XKR6: variants seen among roughly 807,000 people sequenced by gnomAD.
The protein encoded by XKR6 is XK related 6.
Under a neutral mutation model 56.7 loss-of-function variants are expected in XKR6, and 22 were observed. The observed-to-expected ratio is 0.39, with a 90% CI of 0.28 to 0.55. The LOEUF (loss-of-function observed/expected upper bound fraction) is 0.55, where lower values mean the gene tolerates loss of function less well. XKR6 is among the 20% of genes least tolerant of loss of function. The pLI, the probability that XKR6 is intolerant of heterozygous loss-of-function variation, is 0.66. For missense variants in XKR6, 852 were observed against 889.0 expected, an observed-to-expected ratio of 0.96 and a Z score of 0.53; for synonymous variants, 524 against 387.8, an observed-to-expected ratio of 1.35 and a Z score of -4.13.
chr8:10,944,360 G>A (rs1328791725), intron 1 of XKR6, among the ~76,000 whole-genome samples: 1 of 152,174 alleles, frequency 6.6e-6, no homozygotes, highest in African/African-American at 2.4e-5. Context: ...AACGAGACAG[G>A]TTTCCTGCCA....
chr8:10,915,986 C>T (rs1800552862), intron 2 of XKR6, among the ~76,000 whole-genome samples: 1 of 152,218 alleles, frequency 6.6e-6, no homozygotes, highest in African/African-American at 2.4e-5. Context: ...CCATGAGCGC[C>T]CGGAAGTGGA....
intron 1 of XKR6, among the ~76,000 whole-genome samples, chr8:11,074,545 G>A (rs781534501): frequency 6.6e-6 from 1 of 152,238 alleles, no homozygotes; most frequent in Non-Finnish European, 1.5e-5. Context: ...AGGTGATTAT[G>A]GAGGTCCATC....
At chr8:11,088,856 GT>G (rs1442639721) in intron 1 of XKR6, among the ~76,000 whole-genome samples, 1 of 152,212 alleles carries the variant, frequency 6.6e-6, no homozygotes, top group Non-Finnish European at 1.5e-5. Flanking sequence ...TCAATTCCAT[GT>G]TAGAGGTATA....
intron 1 of XKR6, among the ~76,000 whole-genome samples, chr8:11,171,399 G>A (rs1474361999): frequency 1.3e-5 from 2 of 152,238 alleles, no homozygotes; most frequent in Non-Finnish European, 2.9e-5. Flanking sequence ...CCATGCTATA[G>A]AGTTTGGATA....
Position 10,984,695 on chromosome 8 carries a change from GCTCTCTCTCTCTCT to G in XKR6, c.765-59879_765-59866del, listed in dbSNP as rs61138077. Among the ~76,000 whole-genome samples the G allele has an allele frequency of 2.4e-3, 135 of 56,334 alleles. 3 individuals are homozygous for G. Among genetic ancestry groups the G allele is most frequent in the African/African-American group, 8.2e-3 (129 of 15,700 alleles). The allele number at this position is 56,334 out of a possible 152,430, so 37.0% of individuals were successfully genotyped here. The stretch of plus-strand genomic sequence containing the variant: ...AGTAACACAAAAGATAAAATACATG[GCTCTCTCTCTCTCT>G]CTCTCTCTCTCTCTCTCTCTCTCTA... On this transcript the variant is annotated intron_variant, in intron 1 of 2. Transcript: ENST00000416569.
intron 1 of XKR6, among the ~76,000 whole-genome samples, chr8:11,196,684 C>G (rs1031910493): frequency 6.6e-6 from 1 of 152,234 alleles, no homozygotes; most frequent in Admixed American, 6.5e-5. Flanking sequence ...AGTTCTCAAG[C>G]GTGGGGTTCC....
chr8:11,122,500 C>T (rs928096321), intron 1 of XKR6, among the ~76,000 whole-genome samples: 5 of 152,248 alleles, frequency 3.3e-5, no homozygotes, highest in African/African-American at 1.2e-4. Flanking sequence ...AGGAGTCTCA[C>T]AATTACTGTC....
intron 1 of XKR6, among the ~76,000 whole-genome samples, chr8:11,087,357 G>C (rs933886137): frequency 6.6e-5 from 10 of 152,284 alleles, no homozygotes; most frequent in South Asian, 4.1e-4. Context: ...ACCCCTCGGG[G>C]AAGGGCACTG....
At chr8:10,949,225 T>C (rs1463141668) in intron 1 of XKR6, among the ~76,000 whole-genome samples, 2 of 152,158 alleles carry the variant, frequency 1.3e-5, no homozygotes, top group Admixed American at 6.5e-5. Flanking sequence ...CTCCATAAGA[T>C]AAAGAGCGGA....
chr8:10,914,851 C>T (rs572004018), intron 2 of XKR6, among the ~76,000 whole-genome samples: 121 of 152,352 alleles, frequency 7.9e-4, no homozygotes, highest in African/African-American at 2.7e-3. Flanking sequence ...TCCCCCTCCT[C>T]TCTCCTCCCT....
chr8:11,166,007 G>C (rs1229752102), intron 1 of XKR6, among the ~76,000 whole-genome samples: 1 of 150,496 alleles, frequency 6.6e-6, no homozygotes, highest in Non-Finnish European at 1.5e-5. Context: ...CCAGACTGGA[G>C]TGCAGTTGTG....
chr8:11,138,578 C>T (rs187207056), intron 1 of XKR6: 4 of 152,242 alleles, frequency 2.6e-5, no homozygotes, highest in African/African-American at 7.2e-5. Context: ...CATTAAGAAG[C>T]AAAACTGTCT....
intron 2 of XKR6, among the ~76,000 whole-genome samples, chr8:10,911,823 G>A (rs552597036): frequency 6.6e-6 from 1 of 150,846 alleles, no homozygotes; most frequent in South Asian, 2.1e-4. Context: ...CAGAGGGTGA[G>A]TATGTGTATA....
At chr8:11,024,247 G>T (rs1432728641) in intron 1 of XKR6, among the ~76,000 whole-genome samples, 1 of 132,524 alleles carries the variant, frequency 7.5e-6, no homozygotes, top group Non-Finnish European at 1.6e-5. Flanking sequence ...GTGTGTGTGT[G>T]TGTGTGATTC....
intron 2 of XKR6, among the ~76,000 whole-genome samples, chr8:10,914,341 A>C (rs958256818): frequency 2.0e-5 from 3 of 152,122 alleles, no homozygotes; most frequent in Non-Finnish European, 2.9e-5. Flanking sequence ...CCCAGTAGTG[A>C]GAGGGACATA....
At chr8:11,141,067 G>T (rs1207089030) in intron 1 of XKR6, among the ~76,000 whole-genome samples, 1 of 152,104 alleles carries the variant, frequency 6.6e-6, no homozygotes, top group Non-Finnish European at 1.5e-5. Context: ...ATTACAACAC[G>T]TAATGGTTAC....
chr8:10,897,258 G>C lies in XKR6; in HGVS notation c.*694C>G, dbSNP rs1375015221. ...GGAGAGGAGGGGGAGAAACTGAAAA[G>C]AGGGAGGGGTTTATGCTTTTGCTTT... On this transcript the variant is annotated 3_prime_UTR_variant, in exon 3 of 3. Coordinates refer to ENST00000416569, the MANE Select transcript of XKR6 (RefSeq NM_173683.4). 6.6e-6 allele frequency: 1 copy of C among 152,650 alleles called. No homozygotes were observed. Among genetic ancestry groups the C allele is most frequent in the Non-Finnish European group, 1.5e-5 (1 of 68,048 alleles). 9.5% of individuals were successfully genotyped at this position (152,650 alleles called of 1,614,324 possible).
intron 1 of XKR6, chr8:11,106,054 T>C (rs1455575726): frequency 6.6e-6 from 1 of 152,212 alleles, no homozygotes; most frequent in East Asian, 1.9e-4. Flanking sequence ...ATTTGTAGGG[T>C]TTCTAAAAAG....
intron 1 of XKR6, among the ~76,000 whole-genome samples, chr8:11,053,530 G>A (rs1799607420): frequency 6.6e-6 from 1 of 152,236 alleles, no homozygotes; most frequent in African/African-American, 2.4e-5. Context: ...CATCCCTGCA[G>A]GTCTTGGTCA....
Sources: gnomAD v4.1 joint callset for allele counts (sites outside exome capture counted in the v4.1 genomes callset) on GRCh38, gnomAD v4.1.1 for gene constraint, MANE v1.5 for transcripts, NCBI Gene and HGNC (gene_info 2026-07-23, HGNC 2026-07-21) for gene names.